ABTB2: variants seen among roughly 807,000 people sequenced by gnomAD.
ABTB2 encodes the protein ankyrin repeat and BTB/POZ domain-containing protein 2.
A neutral mutation model predicts 104.1 loss-of-function variants in ABTB2; 56 were observed. The ratio of observed to expected loss-of-function variants is 0.54; its 90% CI spans 0.43 to 0.67. The LOEUF is 0.67. Among genes scored for constraint, ABTB2 ranks in the 30% least tolerant of loss-of-function variants. The pLI is 0.00. For synonymous variants in ABTB2, 606 were observed against 608.2 expected (o/e 1.00, Z 0.05); for missense variants, 1,279 against 1,407.7 (o/e 0.91, Z 1.46).
chr11:34,274,215 A>G (rs974319408), intron 1 of ABTB2, among the ~76,000 whole-genome samples: 17 of 149,812 alleles, frequency 1.1e-4, no homozygotes, highest in African/African-American at 3.7e-4. Context: ...AACAGCTACC[A>G]GTTACTAAGG....
rs148930521 is a variant in ABTB2, at chr11:34,351,922, C to T, written c.883+4779G>A. On this transcript the variant is annotated intron_variant, in intron 1 of 16. Transcript: ENST00000435224. ...TACTTAAGGCTAGGGTTGCCTTTCT[C>T]AGGCGTGCGAGAAAAAAAAATTTTT... 6.1e-3 allele frequency among the ~76,000 whole-genome samples: 906 copies of T among 148,996 alleles called. 11 individuals are homozygous for T. Among genetic ancestry groups the T allele is most frequent in the African/African-American group, 0.022 (849 of 38,844 alleles).
chr11:34,286,193 C>T (rs1346165178), intron 1 of ABTB2, among the ~76,000 whole-genome samples: 1 of 151,256 alleles, frequency 6.6e-6, no homozygotes. Context: ...TGTGGTGGCT[C>T]ACACCTGTAA....
In ABTB2 at chr11:34,357,631, T is replaced by C; in HGVS notation, c.-48A>G. On this transcript the variant is annotated 5_prime_UTR_variant, in exon 1 of 17. Transcript: ENST00000435224. ...TCGCCGAGCGAGGGGCACTCACAAC[T>C]CCATGCCCTCTTTCCCAAGTGGGCA... 4 of 1,450,654 alleles carry C rather than the reference T, an allele frequency of 2.8e-6. No individual in the cohort carries two copies. The highest frequency in any genetic ancestry group is 3.6e-6 in the Non-Finnish European group (4 of 1,100,074). The allele number at this position is 1,450,654 out of a possible 1,614,324, so 89.9% of individuals were successfully genotyped here. A position where few individuals can be genotyped will look rare whatever the true frequency, so the allele number is the denominator to read the frequency against.
chr11:34,300,680 G>A (rs1030424864), intron 1 of ABTB2, among the ~76,000 whole-genome samples: 4 of 150,622 alleles, frequency 2.7e-5, no homozygotes, highest in Non-Finnish European at 3.0e-5. Flanking sequence ...ATCTCATAGC[G>A]TTTTCATCTT....
intron 1 of ABTB2, among the ~76,000 whole-genome samples, chr11:34,279,300 C>G (rs1854422242): frequency 6.6e-6 from 1 of 152,164 alleles, no homozygotes; most frequent in Admixed American, 6.5e-5. Context: ...TGGGGTCTTG[C>G]TATGTTGCCA....
chr11:34,272,302 C>CAAAAAAAAA (rs60997940), intron 1 of ABTB2, among the ~76,000 whole-genome samples: 9 of 80,772 alleles, frequency 1.1e-4, no homozygotes, highest in African/African-American at 3.4e-4. Flanking sequence ...CAGGAAGCTG[C>CAAAAAAAAA]AAAAAAAAAA....
chr11:34,226,868 C>A (rs1301571272), intron 1 of ABTB2, among the ~76,000 whole-genome samples: 2 of 151,952 alleles, frequency 1.3e-5, no homozygotes, highest in African/African-American at 4.8e-5. Context: ...GAGTTGGTGA[C>A]CAGGCTGGCC....
chr11:34,242,707 A>C (rs902629255), intron 1 of ABTB2, among the ~76,000 whole-genome samples: 2 of 152,112 alleles, frequency 1.3e-5, no homozygotes. Context: ...TCCTGGTGTA[A>C]GGGTGTATGA....
intron 3 of ABTB2, among the ~76,000 whole-genome samples, chr11:34,182,746 GA>G (rs1853046197): frequency 2.0e-5 from 3 of 152,026 alleles, no homozygotes; most frequent in African/African-American, 7.3e-5. Flanking sequence ...AGGAGTAATA[GA>G]AAAATGCAAA....
intron 1 of ABTB2, among the ~76,000 whole-genome samples, chr11:34,235,003 G>A (rs937248456): frequency 4.6e-5 from 7 of 152,054 alleles, no homozygotes; most frequent in South Asian, 2.1e-4. Flanking sequence ...GACTATAGGC[G>A]CCCGCCACGG....
chr11:34,165,858 C>T (rs1353181424), intron 7 of ABTB2, among the ~76,000 whole-genome samples: 1 of 152,212 alleles, frequency 6.6e-6, no homozygotes, highest in Non-Finnish European at 1.5e-5. Context: ...GGCTTGCTTC[C>T]CTTAGGCTTC....
rs34301457 is a variant in ABTB2, at chr11:34,357,747, G to A, written c.-164C>T. 0.038 allele frequency: 29,771 copies of A among 780,568 alleles called. 660 individuals carry two copies. Among genetic ancestry groups the A allele is most frequent in the Middle Eastern group, 0.053 (133 of 2,510 alleles). The allele number at this position is 780,568 out of a possible 1,614,324, so 48.4% of individuals were successfully genotyped here. A position where few individuals can be genotyped will look rare whatever the true frequency, so the allele number is the denominator to read the frequency against. ...ATTGCCTGCCCGGAGGCCGCGGGAAGGTGGCCGAGATCCGTGGCCAGCAGG... is the reference window on the plus strand; with the variant it reads ...ATTGCCTGCCCGGAGGCCGCGGGAAAGTGGCCGAGATCCGTGGCCAGCAGG... On this transcript the variant is annotated 5_prime_UTR_variant, in exon 1 of 17. Coordinates refer to ENST00000435224, the MANE Select transcript of ABTB2 (RefSeq NM_145804.3).
chr11:34,165,344 C>T lies in ABTB2; in HGVS notation c.1768G>A (p.Ala590Thr). The change falls in exon 8 of 17, where the codon GCT becomes ACT. Residue 590 changes from alanine (A) to threonine (T), a missense_variant. Transcript: ENST00000435224. ...GCCGAGCCCTCGACATGGGCACCAG[C>T]ATCCAGCAGCAACTGCCAGGGGCAC... Reference protein sequence around the residue: ...HISVVQLLLDAGAHVEGSAVN... With the variant: ...HISVVQLLLDTGAHVEGSAVN... The T allele has an allele frequency of 6.3e-7, 1 of 1,586,408 alleles. No individual in the cohort carries two copies. The highest frequency in any genetic ancestry group is 8.6e-7 in the Non-Finnish European group (1 of 1,167,032).
At chr11:34,295,317 A>G (rs1854609329) in intron 1 of ABTB2, among the ~76,000 whole-genome samples, 1 of 152,182 alleles carries the variant, frequency 6.6e-6, no homozygotes, top group Non-Finnish European at 1.5e-5. Flanking sequence ...CTAACGTACA[A>G]GTTGGGGGTT....
At position 34,357,220 on chromosome 11, in the gene ABTB2, C is replaced by G. The variant is rs1019888502; in HGVS notation, c.364G>C (p.Ala122Pro). The G allele has an allele frequency of 1.7e-5, 26 of 1,511,178 alleles. No individual in the cohort carries two copies. The highest frequency in any genetic ancestry group is 2.2e-5 in the Non-Finnish European group (25 of 1,136,536). The allele number at this position is 1,511,178 out of a possible 1,614,324, so 93.6% of individuals were successfully genotyped here. Residue 122 changes from alanine to proline, a missense_variant, in exon 1 of 17, where the codon GCC becomes CCC. Ala to Pro is a conservative substitution (Grantham distance 27, BLOSUM62 -1). Transcript: ENST00000435224. The stretch of plus-strand genomic sequence containing the variant: ...CCGGCCAGGCGCCTCACCGCCTCGG[C>G]GGAGAACTGGGGCAGCCGCCGGCCG... ...AGGRRLPQFS[A>P]EAVRRLAGLL...
chr11:34,155,614 C>T (rs1852614424), intron 14 of ABTB2, among the ~76,000 whole-genome samples: 1 of 152,256 alleles, frequency 6.6e-6, no homozygotes, highest in South Asian at 2.1e-4. Flanking sequence ...CGGGCTCTGT[C>T]AAGACCGGCC....
At chr11:34,164,974 A>G (rs1457743269) in intron 8 of ABTB2, among the ~76,000 whole-genome samples, 153 bp from the exon 9 acceptor site, 1 of 152,180 alleles carries the variant, frequency 6.6e-6, no homozygotes, top group Non-Finnish European at 1.5e-5. Flanking sequence ...GGACGAAGTG[A>G]AGGGAGAGGA....
intron 1 of ABTB2, among the ~76,000 whole-genome samples, chr11:34,288,747 A>C (rs542996621): frequency 3.9e-3 from 287 of 73,874 alleles, no homozygotes; most frequent in African/African-American, 0.013. Context: ...GTTGTTGCAG[A>C]AATCACTCCT....
At chr11:34,240,439 G>A (rs1853900688) in intron 1 of ABTB2, among the ~76,000 whole-genome samples, 1 of 152,166 alleles carries the variant, frequency 6.6e-6, no homozygotes, top group South Asian at 2.1e-4. Flanking sequence ...CTTCAGTGCT[G>A]CCCTGCTGCC....
Sources: gnomAD v4.1 joint callset for allele counts (sites outside exome capture counted in the v4.1 genomes callset) on GRCh38, gnomAD v4.1.1 for gene constraint, MANE v1.5 for transcripts, NCBI Gene and HGNC (gene_info 2026-07-23, HGNC 2026-07-21) for gene names.